The following CNBD1 variants were observed in gnomAD, a reference collection of about 807,000 sequenced individuals.
CNBD1 encodes cyclic nucleotide-binding domain-containing protein 1.
CNBD1 carries 71 observed loss-of-function variants against 54.4 expected under a neutral mutation model. The ratio of observed to expected loss-of-function variants is 1.30; its 90% confidence interval spans 1.08 to 1.59. The LOEUF (loss-of-function observed/expected upper bound fraction) is 1.59, where lower values mean the gene tolerates loss of function less well. Among genes scored for constraint, CNBD1 ranks in the 40% most tolerant of loss-of-function variants. The probability of loss-of-function intolerance (pLI) is 0.00; values close to 1 mark genes in which losing one functional copy is unlikely to be tolerated. For missense variants in CNBD1, 659 were observed against 518.0 expected, an observed-to-expected ratio of 1.27 and a Z score of -2.64; for synonymous variants, 182 against 170.7, an observed-to-expected ratio of 1.07 and a Z score of -0.51.
intron 4 of CNBD1, among the ~76,000 whole-genome samples, chr8:86,986,977 G>T (rs1202545860): frequency 6.6e-6 from 1 of 152,098 alleles, no homozygotes; most frequent in Non-Finnish European, 1.5e-5. Context: ...GCTTAGGATT[G>T]CTTTGGCTAT....
intron 8 of CNBD1, among the ~76,000 whole-genome samples, chr8:87,313,640 T>A (rs1375251066): frequency 6.6e-6 from 1 of 151,890 alleles, no homozygotes; most frequent in East Asian, 1.9e-4. Flanking sequence ...AAAGTGATGT[T>A]TTTTTCTTCT....
chr8:87,073,956 G>A (rs1810811691), intron 4 of CNBD1, among the ~76,000 whole-genome samples: 1 of 152,020 alleles, frequency 6.6e-6, no homozygotes. Context: ...AAAAAAATTA[G>A]CCAGGCGTGG....
chr8:87,230,666 A>T (rs1459014480), intron 5 of CNBD1, among the ~76,000 whole-genome samples: 1 of 152,228 alleles, frequency 6.6e-6, no homozygotes, highest in Admixed American at 6.5e-5. Context: ...TTAGTGTTAG[A>T]ACACCTAGCA....
Position 87,284,685 on chromosome 8 carries a change from A to G in CNBD1, c.779A>G (p.Lys260Arg). The G allele has an allele frequency of 6.2e-7, 1 of 1,600,536 alleles. No homozygotes were observed. Among genetic ancestry groups the G allele is most frequent in the Non-Finnish European group, 8.5e-7 (1 of 1,174,780 alleles). ...YLPSYDSMLSKWSTFGTLEVM... is the reference protein window; with the variant it reads ...YLPSYDSMLSRWSTFGTLEVM... Reference sequence around the variant, plus strand: ...TCTCTGGTATTTTTACAGCTTAGCAAATGGAGTACCTTTGGGACTCTGGAA... The same window carrying G: ...TCTCTGGTATTTTTACAGCTTAGCAGATGGAGTACCTTTGGGACTCTGGAA... The change falls in exon 7 of 11, where the codon AAA becomes AGA. Residue 260 changes from lysine (K) to arginine (R), a missense_variant. Coordinates refer to ENST00000518476, the MANE Select transcript of CNBD1 (RefSeq NM_173538.3).
At chr8:87,013,846 C>T (rs977693689) in intron 4 of CNBD1, among the ~76,000 whole-genome samples, 45 of 151,304 alleles carry the variant, frequency 3.0e-4, no homozygotes, top group African/African-American at 1.1e-3. Context: ...CTCCTTATAC[C>T]TTATCATGTA....
chr8:87,398,076 A>G (rs1338392663), intron 2 of CNBD1, among the ~76,000 whole-genome samples: 1 of 151,660 alleles, frequency 6.6e-6, no homozygotes, highest in Non-Finnish European at 1.5e-5. Flanking sequence ...AAATGGACTA[A>G]TACGTCATCA....
intron 4 of CNBD1, among the ~76,000 whole-genome samples, chr8:87,113,322 C>G (rs1194371511): frequency 1.3e-5 from 2 of 152,162 alleles, no homozygotes; most frequent in African/African-American, 2.4e-5. Context: ...AAATAAATTA[C>G]TATTAGTAGG....
At chr8:87,298,488 C>CT (rs11414234) in intron 8 of CNBD1, among the ~76,000 whole-genome samples, 50,137 of 139,696 alleles carry the variant, frequency 0.36, 9,122 homozygotes, top group African/African-American at 0.41. Flanking sequence ...TTTTTTCCCT[C>CT]TTTTTTTTTT....
At chr8:87,236,578 C>T (rs986058926) in intron 5 of CNBD1, among the ~76,000 whole-genome samples, 2 of 151,736 alleles carry the variant, frequency 1.3e-5, no homozygotes, top group Non-Finnish European at 2.9e-5. Flanking sequence ...CATTAAAAAA[C>T]ATTCAAGGGC....
At chr8:87,086,187 A>T (rs2130672163) in intron 4 of CNBD1, among the ~76,000 whole-genome samples, 1 of 152,288 alleles carries the variant, frequency 6.6e-6, no homozygotes, top group East Asian at 1.9e-4. Context: ...GCTCACACTC[A>T]TCCCCTTTTA....
intron 4 of CNBD1, among the ~76,000 whole-genome samples, chr8:87,107,406 T>A (rs969918939): frequency 6.6e-6 from 1 of 152,304 alleles, no homozygotes; most frequent in Non-Finnish European, 1.5e-5. Context: ...CATCCTGAAC[T>A]CTTTGCTCAC....
intron 4 of CNBD1, among the ~76,000 whole-genome samples, chr8:86,997,272 A>G (rs146297332): frequency 2.4e-3 from 368 of 152,282 alleles, no homozygotes; most frequent in African/African-American, 8.2e-3. Context: ...AAAATTATGA[A>G]GACTCCTTTT....
At chr8:87,047,154 G>A (rs956465893) in intron 4 of CNBD1, among the ~76,000 whole-genome samples, 2 of 152,066 alleles carry the variant, frequency 1.3e-5, no homozygotes, top group African/African-American at 4.8e-5. Flanking sequence ...GATTTCCCGG[G>A]TATGGCACTT....
chr8:86,925,291 C>G (rs572689123), intron 3 of CNBD1, among the ~76,000 whole-genome samples: 2 of 152,198 alleles, frequency 1.3e-5, no homozygotes, highest in African/African-American at 4.8e-5. Flanking sequence ...TTAAGCTAAG[C>G]TTAACAGATG....
At chr8:87,258,435 T>C (rs1002581795) in intron 6 of CNBD1, among the ~76,000 whole-genome samples, 5 of 79,386 alleles carry the variant, frequency 6.3e-5, no homozygotes, top group Non-Finnish European at 7.7e-5. Flanking sequence ...TTCTTTTTTT[T>C]CTTTTTAAGA....
chr8:86,906,112 A>G (rs1396314281), intron 3 of CNBD1, among the ~76,000 whole-genome samples: 1 of 152,234 alleles, frequency 6.6e-6, no homozygotes, highest in Non-Finnish European at 1.5e-5. Flanking sequence ...GTGTTGCCCC[A>G]TGGGCAAACT....
chr8:87,044,320 G>C (rs1162214681), intron 4 of CNBD1, among the ~76,000 whole-genome samples: 1 of 151,914 alleles, frequency 6.6e-6, no homozygotes, highest in Non-Finnish European at 1.5e-5. Context: ...TATATCCTTG[G>C]ATAAGTTAAA....
intron 6 of CNBD1, among the ~76,000 whole-genome samples, chr8:87,266,355 A>G (rs1586376561): frequency 6.9e-6 from 1 of 145,286 alleles, no homozygotes; most frequent in Non-Finnish European, 1.5e-5. Context: ...AATAATTAAT[A>G]CTGGGCACTA....
In CNBD1 at chr8:87,182,302, G is replaced by A. The variant is rs573807731; in HGVS notation, c.432-23691G>A. On this transcript the variant is annotated intron_variant, in intron 4 of 10. Coordinates refer to ENST00000518476, the MANE Select transcript of CNBD1 (RefSeq NM_173538.3). This position sits in a 1 kb window ranked among gnomAD's most constrained non-coding sequence, Gnocchi z 4.1. ...TTCTTTATCCAGTTTACCATTGATG[G>A]GTATTTAGGTTGATTCCATGTCTTT... Among the ~76,000 whole-genome samples the A allele has an allele frequency of 3.9e-4, 59 of 152,062 alleles. No homozygotes were observed. The highest frequency in any genetic ancestry group is 1.4e-3 in the African/African-American group (57 of 41,486).
Sources: allele counts gnomAD v4.1 joint callset (sites outside exome capture counted in the v4.1 genomes callset), GRCh38; gene constraint gnomAD v4.1.1; non-coding constraint Gnocchi (gnomAD v3.1); transcripts MANE v1.5; gene names NCBI Gene and HGNC (gene_info 2026-07-23, HGNC 2026-07-21).